ARID2: variants seen among roughly 807,000 people sequenced by gnomAD.
ARID2 encodes AT-rich interaction domain 2.
A neutral mutation model predicts 184.6 loss-of-function variants in ARID2; 32 were observed. That is an observed-to-expected ratio of 0.17 (90% CI 0.13 to 0.23). The LOEUF is 0.23. ARID2 is among the 10% of genes least tolerant of loss of function. ARID2 has a pLI of 1.00. For synonymous variants in ARID2, 836 were observed against 772.6 expected (o/e 1.08, Z -1.36); for missense variants, 1,696 against 2,197.6 (o/e 0.77, Z 4.56).
In ARID2 at chr12:45,851,385, A is replaced by C; in HGVS notation, c.3262A>C (p.Asn1088His). 1 of 1,614,074 alleles carries C rather than the reference A, an allele frequency of 6.2e-7. No individual in the cohort carries two copies. Among genetic ancestry groups the C allele is most frequent in the Non-Finnish European group, 8.5e-7 (1 of 1,179,990 alleles). Residue 1088 changes from asparagine to histidine, a missense_variant, in exon 15 of 21, where the codon AAT (asparagine) becomes CAT (histidine). By Grantham distance (68) the Asn-to-His change is moderately conservative. This residue lies in a region of ARID2 where 713 missense variants were observed against 824.4 expected (regional missense o/e 0.86). Coordinates refer to ENST00000334344, the MANE Select transcript of ARID2 (RefSeq NM_152641.4). Reference sequence around the variant, plus strand: ...CCCAGCTCCACAGATTCCTCCCCCTAATAATGCAAGAGCTCCTAGCCCTCA... The same window carrying C: ...CCCAGCTCCACAGATTCCTCCCCCTCATAATGCAAGAGCTCCTAGCCCTCA... Reference protein sequence around the residue: ...ILPAPQIPPPNNARAPSPQVV... With the variant: ...ILPAPQIPPPHNARAPSPQVV...
rs1943490414 is a variant in ARID2 at position 45,848,924 on chromosome 12, G to A, written c.1669G>A (p.Ala557Thr). 6.2e-7 allele frequency: 1 copy of A among 1,612,474 alleles called. No homozygotes were observed. The highest frequency in any genetic ancestry group is 1.3e-5 in the African/African-American group (1 of 74,854). The change falls in exon 13 of 21, where the codon GCT becomes ACT. Residue 557 changes from alanine (A) to threonine (T), a missense_variant. Physicochemically the swap from Ala to Thr is moderately conservative, Grantham distance 58. Around this residue, in one of 11 missense-constraint regions of ARID2, gnomAD observed 713 missense variants for 824.4 expected, o/e 0.86. Coordinates refer to ENST00000334344, the MANE Select transcript of ARID2 (RefSeq NM_152641.4). ...ATACCTCTCGACTTGCAGTAAATTA[G>A]CTCGTGGTGGAATCCTAACATCAAC... Reference protein sequence around the residue: ...SEYLSTCSKLARGGILTSTGF... With the variant: ...SEYLSTCSKLTRGGILTSTGF...
chr12:45,741,908 A>G (rs1311598529), intron 3 of ARID2, among the ~76,000 whole-genome samples: 1 of 152,208 alleles, frequency 6.6e-6, no homozygotes. Context: ...CTGTAAATAC[A>G]TTTATTTTGA....
At chr12:45,825,376 T>G (rs1174773633) in intron 6 of ARID2, among the ~76,000 whole-genome samples, 1 of 152,128 alleles carries the variant, frequency 6.6e-6, no homozygotes, top group East Asian at 1.9e-4. Context: ...AGTTGTTATA[T>G]GTCCATAAAA....
chr12:45,761,536 G>T (rs1437656408), intron 3 of ARID2, among the ~76,000 whole-genome samples: 1 of 152,084 alleles, frequency 6.6e-6, no homozygotes, highest in Non-Finnish European at 1.5e-5. Flanking sequence ...TGAGGATAGG[G>T]TAATGTTTTA....
At chr12:45,903,136 G>A (rs1944479735) in intron 20 of ARID2, among the ~76,000 whole-genome samples, 1 of 152,084 alleles carries the variant, frequency 6.6e-6, no homozygotes, top group Non-Finnish European at 1.5e-5. Flanking sequence ...CTTTCTATAT[G>A]TGAAATCATA....
At position 45,851,740 on chromosome 12, in the gene ARID2, C is replaced by T. The variant is rs371554995; in HGVS notation, c.3617C>T (p.Thr1206Met). 32 of 1,614,002 alleles carry T rather than the reference C, an allele frequency of 2.0e-5. No homozygotes were observed. The highest frequency in any genetic ancestry group is 5.3e-5 in the African/African-American group (4 of 74,920). ...IAPAGITMSG[T>M]QTGVGLPVQT... is the part of the protein sequence containing the mutation. ...CCAGCAGGAATTACCATGAGCGGAACGCAGACAGGAGTTGGACTTCCAGTA... is the reference window on the plus strand; with the variant it reads ...CCAGCAGGAATTACCATGAGCGGAATGCAGACAGGAGTTGGACTTCCAGTA... The change falls in exon 15 of 21, where the codon ACG (threonine) becomes ATG (methionine). Residue 1206 changes from threonine to methionine, a missense_variant. By Grantham distance (81) the Thr-to-Met change is moderately conservative. Around this residue, in one of 11 missense-constraint regions of ARID2, gnomAD observed 428 missense variants for 409.1 expected, o/e 1.05. Coordinates refer to ENST00000334344, the MANE Select transcript of ARID2 (RefSeq NM_152641.4).
chr12:45,759,314 A>G (rs1290918834), intron 3 of ARID2, among the ~76,000 whole-genome samples: 1 of 152,190 alleles, frequency 6.6e-6, no homozygotes, highest in Non-Finnish European at 1.5e-5. Flanking sequence ...ATGTGCACAT[A>G]TAGGAATATA....
intron 3 of ARID2, among the ~76,000 whole-genome samples, chr12:45,795,906 A>G (rs1404605724): frequency 6.6e-6 from 1 of 152,136 alleles, no homozygotes; most frequent in Non-Finnish European, 1.5e-5. Flanking sequence ...TACTGCCTCA[A>G]TAAATGACCA....
intron 3 of ARID2, among the ~76,000 whole-genome samples, chr12:45,787,000 A>T (rs1942206638): frequency 6.6e-6 from 1 of 152,090 alleles, no homozygotes; most frequent in Admixed American, 6.6e-5. Context: ...GATGGGGGAG[A>T]TGTCGGTCAA....
chr12:45,804,394 T>C (rs1942560596), intron 3 of ARID2, among the ~76,000 whole-genome samples: 1 of 152,076 alleles, frequency 6.6e-6, no homozygotes, highest in South Asian at 2.1e-4. Context: ...AATATTGAAC[T>C]ATCACTGGAC....
At chr12:45,780,976 T>C (rs952541147) in intron 3 of ARID2, among the ~76,000 whole-genome samples, 2 of 152,108 alleles carry the variant, frequency 1.3e-5, no homozygotes, top group African/African-American at 4.8e-5. Flanking sequence ...AAGAAAAATA[T>C]AGCATTTACT....
At chr12:45,736,320 G>A (rs1941120740) in intron 3 of ARID2, among the ~76,000 whole-genome samples, 1 of 150,882 alleles carries the variant, frequency 6.6e-6, no homozygotes, top group South Asian at 2.1e-4. Flanking sequence ...TCGTGCCACT[G>A]CACTCCAGCC....
chr12:45,863,555 C>T (rs1943783884), intron 16 of ARID2, among the ~76,000 whole-genome samples: 1 of 151,954 alleles, frequency 6.6e-6, no homozygotes, highest in Non-Finnish European at 1.5e-5. Context: ...TCATTGCACT[C>T]CAGCCTCGGT....
chr12:45,799,166 A>G (rs946028273), intron 3 of ARID2, among the ~76,000 whole-genome samples: 13 of 152,080 alleles, frequency 8.5e-5, no homozygotes, highest in African/African-American at 2.7e-4. Context: ...GGGGATAGCA[A>G]TATGTGTCTG....
At chr12:45,828,048 T>A (rs1225380795) in intron 6 of ARID2, among the ~76,000 whole-genome samples, 1 of 152,102 alleles carries the variant, frequency 6.6e-6, no homozygotes, top group Non-Finnish European at 1.5e-5. Flanking sequence ...TTAGTGTATA[T>A]GTATAACACA....
chr12:45,783,632 CG>C (rs1252809941), intron 3 of ARID2, among the ~76,000 whole-genome samples: 1 of 152,188 alleles, frequency 6.6e-6, no homozygotes, highest in African/African-American at 2.4e-5. Flanking sequence ...CTTTTGCATG[CG>C]CAGTTCACAG....
intron 20 of ARID2, among the ~76,000 whole-genome samples, chr12:45,898,945 T>A (rs1232018222): frequency 6.6e-6 from 1 of 151,620 alleles, no homozygotes; most frequent in African/African-American, 2.4e-5. Context: ...AGTGTGTGAA[T>A]TATACCTCAA....
At position 45,849,718 on chromosome 12, in the gene ARID2, T is replaced by C. The variant is rs2138157331; in HGVS notation, c.1854T>C (p.Ser618=). The change falls in exon 14 of 21, where the codon TCT becomes TCC. Residue 618 remains serine, a synonymous_variant. Coordinates refer to ENST00000334344, the MANE Select transcript of ARID2 (RefSeq NM_152641.4). ...TGTACTATCAGCAGCAACCAGTTTC[T>C]ACTTCTGTTGTTCGTGTTGATTCTG... The part of the protein sequence containing the change: ...IQMYYQQQPV[S]TSVVRVDSVP... 6.2e-7 allele frequency: 1 copy of C among 1,613,872 alleles called. No individual in the cohort carries two copies. Among genetic ancestry groups the C allele is most frequent in the Non-Finnish European group, 8.5e-7 (1 of 1,179,812 alleles).
At chr12:45,880,449 C>T (rs2138216559) in intron 16 of ARID2, among the ~76,000 whole-genome samples, 1 of 152,288 alleles carries the variant, frequency 6.6e-6, no homozygotes, top group African/African-American at 2.4e-5. Flanking sequence ...GAACCTTATA[C>T]AGTTACAATT....
Sources: gnomAD v4.1 joint callset for allele counts (sites outside exome capture counted in the v4.1 genomes callset) on GRCh38, gnomAD v4.1.1 for gene constraint, gnomAD v4.1.1 regional missense constraint, MANE v1.5 for transcripts, NCBI Gene and HGNC (gene_info 2026-07-23, HGNC 2026-07-21) for gene names.